The following MRPL15 variants were observed in gnomAD, a reference collection of about 807,000 sequenced individuals.
MRPL15 encodes large ribosomal subunit protein uL15m.
Under a neutral mutation model 28.0 loss-of-function variants are expected in MRPL15, and 24 were observed. The observed-to-expected ratio is 0.86, with a 90% CI of 0.62 to 1.21. MRPL15 has a LOEUF of 1.21. MRPL15 is among the 50% of genes most tolerant of loss of function. The probability of loss-of-function intolerance (pLI) is 0.00; values close to 1 mark genes in which losing one functional copy is unlikely to be tolerated. For synonymous variants in MRPL15, 124 were observed against 137.0 expected, an observed-to-expected ratio of 0.90 and a Z score of 0.66; for missense variants, 343 against 372.4, an observed-to-expected ratio of 0.92 and a Z score of 0.65.
At chr8:54,144,733 C>T (rs900644960) in intron 4 of MRPL15, among the ~76,000 whole-genome samples, 9 of 151,816 alleles carry the variant, frequency 5.9e-5, no homozygotes, top group Non-Finnish European at 1.0e-4. Flanking sequence ...TCGCTGAGAT[C>T]GCGCCACTGC....
chr8:54,143,542 G>A (rs1418603474), intron 4 of MRPL15, among the ~76,000 whole-genome samples: 1 of 152,186 alleles, frequency 6.6e-6, no homozygotes, highest in Non-Finnish European at 1.5e-5. Context: ...CACTTCTCCA[G>A]CTACTGCCAG....
At chr8:54,138,710 T>G (rs1031303346) in intron 3 of MRPL15, among the ~76,000 whole-genome samples, 4 of 152,220 alleles carry the variant, frequency 2.6e-5, no homozygotes. Flanking sequence ...AGTATTTTTC[T>G]TTGAATATAT....
chr8:54,146,788 G>A (rs1446964816), intron 4 of MRPL15, among the ~76,000 whole-genome samples: 1 of 152,136 alleles, frequency 6.6e-6, no homozygotes, highest in Non-Finnish European at 1.5e-5. Flanking sequence ...TTGTGCGTAG[G>A]CCTTTTTTTC....
At position 54,148,226 on chromosome 8, in the gene MRPL15, G is replaced by A. The variant is rs1033082447; in HGVS notation, c.*507G>A. Among the ~76,000 whole-genome samples the A allele has an allele frequency of 6.6e-6, 1 of 152,230 alleles. No homozygotes were observed. ...ACGTATGCTTAAGGTGTAAGGCTGA[G>A]GAGTAGCTGGTAGGCAGTATGTTTG... On this transcript the variant is annotated 3_prime_UTR_variant, in exon 5 of 5. Transcript: ENST00000260102.
At chr8:54,139,319 C>T (rs964899259) in intron 3 of MRPL15, among the ~76,000 whole-genome samples, 3 of 152,088 alleles carry the variant, frequency 2.0e-5, no homozygotes, top group African/African-American at 7.2e-5. Context: ...CATTGTTAAT[C>T]AACTACTGTT....
At chr8:54,142,269 C>T (rs559453579) in intron 3 of MRPL15, among the ~76,000 whole-genome samples, 1 of 152,316 alleles carries the variant, frequency 6.6e-6, no homozygotes, top group Non-Finnish European at 1.5e-5. Context: ...ATTCTCCCAC[C>T]TCAGCCTCCT....
In MRPL15 at chr8:54,135,392, G is replaced by T. The variant is rs1206743355; in HGVS notation, c.108+1G>T. On this transcript the variant is annotated splice_donor_variant, in intron 1 of 4. Coordinates refer to ENST00000260102, the MANE Select transcript of MRPL15 (RefSeq NM_014175.4). LOFTEE classifies it high-confidence loss of function. ...GCCGAATCCCGGCTCCAAGAAACCG[G>T]TAAATGGGTGGTGGCGGTGCGGGGA... 6.5e-7 allele frequency: 1 copy of T among 1,528,252 alleles called. No individual in the cohort carries two copies. The highest frequency in any genetic ancestry group is 8.8e-7 in the Non-Finnish European group (1 of 1,135,332). The allele number at this position is 1,528,252 out of a possible 1,614,324, so 94.7% of individuals were successfully genotyped here. A position where few individuals can be genotyped will look rare whatever the true frequency, so the allele number is the denominator to read the frequency against.
intron 4 of MRPL15, among the ~76,000 whole-genome samples, chr8:54,144,613 A>G (rs186996908): frequency 1.3e-5 from 2 of 152,210 alleles, no homozygotes; most frequent in Admixed American, 1.3e-4. Flanking sequence ...TGTACTAAAC[A>G]TACAAAAATT....
At chr8:54,141,805 AGTTGTTATACT>A (rs1810930624) in intron 3 of MRPL15, among the ~76,000 whole-genome samples, 1 of 151,656 alleles carries the variant, frequency 6.6e-6, no homozygotes, top group Non-Finnish European at 1.5e-5. Flanking sequence ...CTATATAAAT[AGTTGTTATACT>A]GTATTTAAAA....
chr8:54,135,570 C>CTTTTTTTTTTT (rs537299219), intron 1 of MRPL15, among the ~76,000 whole-genome samples, 179 bp downstream of exon 1: 1 of 116,910 alleles, frequency 8.6e-6, no homozygotes. Context: ...GCACCCAGTT[C>CTTTTTTTTTTT]TTTTTTTTTT....
intron 4 of MRPL15, 23 bp downstream of exon 4, chr8:54,142,809 T>G (rs974338323): frequency 4.3e-6 from 7 of 1,610,242 alleles, no homozygotes; most frequent in Non-Finnish European, 5.1e-6. Context: ...CACGGTCATT[T>G]TCTTCTTTCT....
At chr8:54,142,248 G>A (rs1392140224) in intron 3 of MRPL15, among the ~76,000 whole-genome samples, 23 of 152,044 alleles carry the variant, frequency 1.5e-4, no homozygotes, top group African/African-American at 4.6e-4. Context: ...TTCCCCTCCC[G>A]GGTTCAAGCG....
chr8:54,140,920 A>G (rs1381089445), intron 3 of MRPL15, among the ~76,000 whole-genome samples: 2 of 150,754 alleles, frequency 1.3e-5, no homozygotes, highest in Non-Finnish European at 3.0e-5. Context: ...TCTAGGAAAA[A>G]TTGGAGGTTT....
Position 54,135,459 on chromosome 8 carries a change from T to A in MRPL15, c.108+68T>A, listed in dbSNP as rs1810811887. 7.5e-6 allele frequency: 10 copies of A among 1,335,492 alleles called. No homozygotes were observed. In the Admixed American group the frequency reaches 2.4e-4, roughly 33 times the overall value. 82.7% of individuals were successfully genotyped at this position (1,335,492 alleles called of 1,614,324 possible). ...GCGATGAAAGCGGCCCTTCTCTCCC[T>A]GTCATTAGGAGAACTGCCCTTTCTA... On this transcript the variant is annotated intron_variant, in intron 1 of 4. Transcript: ENST00000260102.
At chr8:54,138,733 C>A (rs1381153247) in intron 3 of MRPL15, among the ~76,000 whole-genome samples, 1 of 152,162 alleles carries the variant, frequency 6.6e-6, no homozygotes, top group Non-Finnish European at 1.5e-5. Context: ...GAGCACTTGA[C>A]ATTTATTACC....
intron 4 of MRPL15, among the ~76,000 whole-genome samples, chr8:54,143,704 G>A (rs1810970866): frequency 6.6e-6 from 1 of 152,296 alleles, no homozygotes; most frequent in East Asian, 1.9e-4. Context: ...AGTGGTGTCC[G>A]TGCTGCTCCT....
rs981996089 is a variant in MRPL15 at position 54,148,306 on chromosome 8, A to G, written c.*587A>G. ...AATTACAAATGAATTTATTTTCTCA[A>G]TTCTGTGGTAGAAGTGTTACAGGCA... On this transcript the variant is annotated 3_prime_UTR_variant, in exon 5 of 5. Coordinates refer to ENST00000260102, the MANE Select transcript of MRPL15 (RefSeq NM_014175.4). 1.3e-5 allele frequency among the ~76,000 whole-genome samples: 2 copies of G among 152,226 alleles called. No homozygotes were observed. Among genetic ancestry groups the G allele is most frequent in the South Asian group, 2.1e-4 (1 of 4,832 alleles).
intron 3 of MRPL15, 114 bp downstream of exon 3, chr8:54,137,547 C>T (rs1316941279): frequency 4.4e-6 from 4 of 917,604 alleles, no homozygotes; most frequent in East Asian, 2.6e-5. Context: ...CCTGCAACCT[C>T]CACCTCACAA....
At position 54,143,845 on chromosome 8, in the gene MRPL15, C is replaced by T. The variant is rs987542953; in HGVS notation, c.553+1059C>T. Among the ~76,000 whole-genome samples the T allele has an allele frequency of 3.9e-5, 6 of 152,220 alleles. No individual in the cohort carries two copies. In the East Asian group the frequency reaches 1.2e-3, roughly 29 times the overall value. Reference sequence around the variant, plus strand: ...CCCTGTGTACTGTGTACTTCAGCCTCGGCCTCTGCTGTTCCTCCTGCCTGG... The same window carrying T: ...CCCTGTGTACTGTGTACTTCAGCCTTGGCCTCTGCTGTTCCTCCTGCCTGG... On this transcript the variant is annotated intron_variant, in intron 4 of 4. Coordinates refer to ENST00000260102, the MANE Select transcript of MRPL15 (RefSeq NM_014175.4).
Sources: allele counts gnomAD v4.1 joint callset (sites outside exome capture counted in the v4.1 genomes callset), GRCh38; gene constraint gnomAD v4.1.1; transcripts MANE v1.5; gene names NCBI Gene and HGNC (gene_info 2026-07-23, HGNC 2026-07-21).